The following INTS11 variants were observed in gnomAD, a reference collection of about 807,000 sequenced individuals.
INTS11 encodes integrator complex subunit 11, also known as CPSF3-like protein.
In INTS11, 77 loss-of-function variants were observed where a neutral mutation model predicts 78.6. That is an observed-to-expected ratio of 0.98 (90% CI 0.81 to 1.18). The LOEUF (loss-of-function observed/expected upper bound fraction) is 1.18. Ranked by LOEUF, INTS11 falls within the 50% of genes most tolerant of loss-of-function variation. The pLI, the probability that INTS11 is intolerant of heterozygous loss-of-function variation, is 0.00. For missense variants in INTS11, 875 were observed against 825.9 expected (o/e 1.06, Z -0.73); for synonymous variants, 441 against 326.9 (o/e 1.35, Z -3.77).
At chr1:1,322,297 C>A in intron 1 of INTS11, among the ~76,000 whole-genome samples, 1 of 151,442 alleles carries the variant, frequency 6.6e-6, no homozygotes. Flanking sequence ...CCACAGTGAT[C>A]CCAGGAAGGA....
rs1220968974 is a variant in INTS11, at chr1:1,322,038, T to G, written c.29-945A>C. On this transcript the variant is annotated intron_variant, in intron 1 of 16. Coordinates refer to ENST00000435064, the MANE Select transcript of INTS11 (RefSeq NM_017871.6). ...CTTCCAGGCCTGTTCCTGCCCCCGC[T>G]GGGTGTGAGCTCTCTGAGAGCAGGG... 13 of 1,189,700 alleles carry G rather than the reference T, an allele frequency of 1.1e-5. 1 individual carries two copies. Among genetic ancestry groups the G allele is most frequent in the Middle Eastern group, 4.1e-4 (2 of 4,854 alleles). The allele number at this position is 1,189,700 out of a possible 1,614,324, so 73.7% of individuals were successfully genotyped here. A position where few individuals can be genotyped will look rare whatever the true frequency, so the allele number is the denominator to read the frequency against.
Position 1,314,170 on chromosome 1 carries a change from C to T in INTS11, c.767+131G>A, listed in dbSNP as rs1462533804. On this transcript the variant is annotated intron_variant, in intron 8 of 16. Transcript: ENST00000435064. The surrounding 1 kb of genome is among the most constrained non-coding windows in gnomAD (Gnocchi z 4.2). ...AGGCTTCCTGGGGTCACACAGCACA[C>T]GAGCGGCCCCCCAGGACAGCAGCAA... 28 of 917,640 alleles carry T rather than the reference C, an allele frequency of 3.1e-5. No individual in the cohort carries two copies. The highest frequency in any genetic ancestry group is 2.3e-4 in the Middle Eastern group (1 of 4,414). 56.8% of individuals were successfully genotyped at this position (917,640 alleles called of 1,614,324 possible).
chr1:1,315,171 A>C, intron 6 of INTS11: 1 of 725,560 alleles, frequency 1.4e-6, no homozygotes, highest in Non-Finnish European at 2.2e-6. Context: ...CGGAAGAGCG[A>C]GACAGAGGCA....
chr1:1,317,395 C>CA (rs1285640332), intron 4 of INTS11: 4,450 of 703,716 alleles, frequency 6.3e-3, no homozygotes, highest in Non-Finnish European at 6.8e-3. Context: ...AACTCCATCT[C>CA]AAAAAAAAAA....
At chr1:1,320,859 C>T (rs372824465) in intron 2 of INTS11, 137 bp downstream of exon 2, 3 of 863,070 alleles carry the variant, frequency 3.5e-6, no homozygotes, top group East Asian at 2.6e-5. Flanking sequence ...CCCACCCATC[C>T]CTGCTCCCCA....
intron 2 of INTS11, 22 bp downstream of exon 2, chr1:1,320,974 G>A (rs775078069): frequency 1.9e-6 from 3 of 1,605,030 alleles, no homozygotes; most frequent in Middle Eastern, 1.7e-4. Context: ...CAGCCTCTGG[G>A]CCTCCTGCCC....
chr1:1,318,209 C>G (rs1387273021), intron 4 of INTS11, among the ~76,000 whole-genome samples: 1 of 152,048 alleles, frequency 6.6e-6, no homozygotes, highest in Non-Finnish European at 1.5e-5. Context: ...ACCAGCAGAC[C>G]CACACTCATA....
Position 1,311,635 on chromosome 1 carries a change from G to A in INTS11, c.*224C>T, listed in dbSNP as rs767545531. Reference sequence around the variant, plus strand: ...AGCTTTTACTGGAAACTGCTGTCTAGGACCACCTGCCCTAACCAGGAATAA... The same window carrying A: ...AGCTTTTACTGGAAACTGCTGTCTAAGACCACCTGCCCTAACCAGGAATAA... On this transcript the variant is annotated 3_prime_UTR_variant, in exon 17 of 17. Coordinates refer to ENST00000435064, the MANE Select transcript of INTS11 (RefSeq NM_017871.6). 52 of 712,180 alleles carry A rather than the reference G, an allele frequency of 7.3e-5. No homozygotes were observed. Among genetic ancestry groups the A allele is most frequent in the Admixed American group, 4.2e-4 (21 of 49,698 alleles). The allele number at this position is 712,180 out of a possible 1,614,324, so 44.1% of individuals were successfully genotyped here.
chr1:1,313,449 G>A, intron 10 of INTS11, 60 bp downstream of exon 10: 1 of 1,577,604 alleles, frequency 6.3e-7, no homozygotes, highest in East Asian at 2.2e-5. Context: ...GACAGCATGG[G>A]TGGAAGGACA....
intron 15 of INTS11, 21 bp downstream of exon 15, chr1:1,312,205 G>GGT: frequency 8.5e-7 from 1 of 1,180,156 alleles, no homozygotes; most frequent in Non-Finnish European, 1.2e-6. Flanking sequence ...GAGTGGGGGG[G>GGT]GGGCGGGGCC....
chr1:1,323,133 C>T, intron 1 of INTS11: 2 of 1,547,404 alleles, frequency 1.3e-6, no homozygotes, highest in South Asian at 1.2e-5. Context: ...GTGTTCACAG[C>T]ACAGTGTCCA....
In INTS11 at chr1:1,312,208, G is replaced by GGGGGT; in HGVS notation, c.1607+17_1607+18insACCCC. 3 of 1,123,366 alleles carry GGGGGT rather than the reference G, an allele frequency of 2.7e-6. No homozygotes were observed. The highest frequency in any genetic ancestry group is 4.5e-5 in the Admixed American group (2 of 44,442). 69.6% of individuals were successfully genotyped at this position (1,123,366 alleles called of 1,614,324 possible). ...CAGGGCCCAAGGGAGTGGGGGGGGGGCGGGGCCGGGCGCCCACCTCTTGAG... is the reference window on the plus strand; with the variant it reads ...CAGGGCCCAAGGGAGTGGGGGGGGGGGGGGTCGGGGCCGGGCGCCCACCTCTTGAG... On this transcript the variant is annotated intron_variant, in intron 15 of 16. Transcript: ENST00000435064.
At chr1:1,320,212 G>A (rs1642862845) in intron 3 of INTS11, 3 of 520,992 alleles carry the variant, frequency 5.8e-6, no homozygotes, top group South Asian at 4.4e-5. Context: ...GCATCAGAGA[G>A]GGTGAAGCCT....
At chr1:1,315,369 G>T (rs201419514) in intron 6 of INTS11, 35 bp downstream of exon 6, 8 of 1,612,576 alleles carry the variant, frequency 5.0e-6, no homozygotes, top group Non-Finnish European at 6.8e-6. Context: ...CTCCAGGGGG[G>T]CCCACGGGAC....
chr1:1,324,271 G>T (rs1355603508), intron 1 of INTS11, among the ~76,000 whole-genome samples: 1 of 151,968 alleles, frequency 6.6e-6, no homozygotes, highest in Non-Finnish European at 1.5e-5. Flanking sequence ...AGGCGGCAGC[G>T]CGCGGCACGG....
At chr1:1,321,647 GC>G (rs1160250781) in intron 1 of INTS11, among the ~76,000 whole-genome samples, 67 of 152,334 alleles carry the variant, frequency 4.4e-4, no homozygotes, top group Middle Eastern at 3.4e-3. Context: ...TCCAGCAGTG[GC>G]CAGCGTGGCA....
chr1:1,311,922 G>A lies in INTS11; in HGVS notation c.1740C>T (p.Asp580=), dbSNP rs146699248. 1,082 of 1,578,234 alleles carry A rather than the reference G, an allele frequency of 6.9e-4. 5 individuals are homozygous for A. Among genetic ancestry groups the A allele is most frequent in the Middle Eastern group, 3.9e-3 (23 of 5,930 alleles). The change falls in exon 17 of 17, where the codon GAC becomes GAT. Residue 580 remains aspartate (D), a splice_region_variant and synonymous_variant. Transcript: ENST00000435064. ...KVLLVSWTYQ[D]EELGSFLTSL... ...ATGTGAGGAAGCTCCCCAGCTCCTCGTCCTAGGGCAGAGGCAAAAGCATTG... is the reference window on the plus strand; with the variant it reads ...ATGTGAGGAAGCTCCCCAGCTCCTCATCCTAGGGCAGAGGCAAAAGCATTG...
chr1:1,324,495 G>T, intron 1 of INTS11, 86 bp downstream of exon 1: 1 of 1,402,140 alleles, frequency 7.1e-7, no homozygotes, highest in Non-Finnish European at 9.8e-7. Flanking sequence ...CTGGCTCCAC[G>T]AGAAACGGGA....
At chr1:1,319,271 C>T in intron 4 of INTS11, 25 bp downstream of exon 4, 1 of 1,580,340 alleles carries the variant, frequency 6.3e-7, no homozygotes, top group East Asian at 2.2e-5. Context: ...AGTGACTGTG[C>T]CAGCTGTGGC....
Sources: allele counts gnomAD v4.1 joint callset (sites outside exome capture counted in the v4.1 genomes callset), GRCh38; gene constraint gnomAD v4.1.1; non-coding constraint Gnocchi (gnomAD v3.1); transcripts MANE v1.5; gene names NCBI Gene and HGNC (gene_info 2026-07-23, HGNC 2026-07-21).